PRPF6: variants seen among roughly 807,000 people sequenced by gnomAD.
The protein encoded by PRPF6 is pre-mRNA processing factor 6, also known as pre-mRNA-processing factor 6.
A neutral mutation model predicts 118.3 loss-of-function variants in PRPF6; 42 were observed. The observed-to-expected ratio is 0.35, with a 90% confidence interval of 0.28 to 0.46. PRPF6 has a LOEUF of 0.46. Among genes scored for constraint, PRPF6 ranks in the 20% least tolerant of loss-of-function variants. The pLI is 1.00. For missense variants in PRPF6, 662 were observed against 1,255.7 expected (o/e 0.53, Z 7.15); for synonymous variants, 481 against 485.1 (o/e 0.99, Z 0.11).
rs1328273812 is a variant in PRPF6, at chr20:64,029,737, G to A, written c.2546+246G>A. On this transcript the variant is annotated intron_variant, in intron 19 of 20. Coordinates refer to ENST00000266079, the MANE Select transcript of PRPF6 (RefSeq NM_012469.4). The surrounding 1 kb of genome is among the most constrained non-coding windows in gnomAD (Gnocchi z 4.8). ...GATTCACACTGGTGCGCTGGCCGCCGGGTCACAGACTCACTGGGGACGCGT... is the reference window on the plus strand; with the variant it reads ...GATTCACACTGGTGCGCTGGCCGCCAGGTCACAGACTCACTGGGGACGCGT... Among the ~76,000 whole-genome samples, 7 of 112,700 alleles carry A rather than the reference G, an allele frequency of 6.2e-5. 1 individual carries two copies. Among genetic ancestry groups the A allele is most frequent in the African/African-American group, 1.3e-4 (5 of 37,200 alleles). The allele number at this position is 112,700 out of a possible 152,430, so 73.9% of individuals were successfully genotyped here. A position where few individuals can be genotyped will look rare whatever the true frequency, so the allele number is the denominator to read the frequency against.
At position 64,028,667 on chromosome 20, in the gene PRPF6, C is replaced by G. The variant is rs1489829875; in HGVS notation, c.2431+98C>G. Reference sequence around the variant, plus strand: ...GGGTGCTTCCTGGCTTCCCAGACTCCGCAGGGCTGGCACTTCCTGAGGGAG... The same window carrying G: ...GGGTGCTTCCTGGCTTCCCAGACTCGGCAGGGCTGGCACTTCCTGAGGGAG... On this transcript the variant is annotated intron_variant, in intron 18 of 20. Transcript: ENST00000266079. The surrounding 1 kb of genome is among the most constrained non-coding windows in gnomAD (Gnocchi z 6.5). 2.2e-6 allele frequency: 3 copies of G among 1,355,694 alleles called. No homozygotes were observed. Among genetic ancestry groups the G allele is most frequent in the Non-Finnish European group, 3.1e-6 (3 of 974,086 alleles). The allele number at this position is 1,355,694 out of a possible 1,614,324, so 84.0% of individuals were successfully genotyped here.
At chr20:64,003,889 C>T (rs757469223) in intron 9 of PRPF6, among the ~76,000 whole-genome samples, 5 of 152,148 alleles carry the variant, frequency 3.3e-5, no homozygotes, top group Admixed American at 6.6e-5. Context: ...TGAGCCACCG[C>T]GCCCGGCCAG....
At position 63,993,391 on chromosome 20, in the gene PRPF6, A is replaced by C. The variant is rs780939401; in HGVS notation, c.360-16A>C. 2 of 1,597,582 alleles carry C rather than the reference A, an allele frequency of 1.3e-6. No homozygotes were observed. Among genetic ancestry groups the C allele is most frequent in the Admixed American group, 3.3e-5 (2 of 59,874 alleles). On this transcript the variant is annotated splice_polypyrimidine_tract_variant and intron_variant, in intron 3 of 20. Transcript: ENST00000266079. ...GACATGCAGTGTTTCTGATGTGTGC[A>C]TGTTTTATTTCCTAGGGAGCAAAGG...
chr20:63,982,259 G>GC lies in PRPF6; in HGVS notation c.72-782dup, dbSNP rs1437226516. On this transcript the variant is annotated intron_variant, in intron 1 of 20. Transcript: ENST00000266079. ...GCGATCTCAGCTCCCTGCAATCTCTGCCCCCCGGGTTCAAGCAGTTCTCTG... is the reference window on the plus strand; with the variant it reads ...GCGATCTCAGCTCCCTGCAATCTCTGCCCCCCCGGGTTCAAGCAGTTCTCTG... 4.1e-4 allele frequency among the ~76,000 whole-genome samples: 63 copies of GC among 152,100 alleles called. 1 individual carries two copies. Among genetic ancestry groups the GC allele is most frequent in the Non-Finnish European group, 5.9e-5 (4 of 68,032 alleles).
intron 3 of PRPF6, among the ~76,000 whole-genome samples, chr20:63,992,625 T>C (rs1309131311): frequency 6.6e-6 from 1 of 152,210 alleles, no homozygotes; most frequent in Non-Finnish European, 1.5e-5. Context: ...AATATACACA[T>C]GTCCAAATGG....
rs773768758 is a variant in PRPF6, at chr20:63,999,059, G to T, written c.786G>T (p.Val262=). The T allele has an allele frequency of 6.2e-7, 1 of 1,613,636 alleles. No individual in the cohort carries two copies. The highest frequency in any genetic ancestry group is 8.5e-7 in the Non-Finnish European group (1 of 1,179,798). Residue 262 remains valine, a synonymous_variant, in exon 7 of 21, where the codon GTG becomes GTT. Transcript: ENST00000266079. ...DMRLSQVSDS[V]SGQTVVDPKG... ...CTGTCTCACAGGTGTCTGACTCCGT[G>T]AGTGGACAGACCGTCGTTGACCCCA...
chr20:64,019,162 G>T (rs983850503), intron 12 of PRPF6, among the ~76,000 whole-genome samples: 1 of 145,358 alleles, frequency 6.9e-6, no homozygotes, highest in Non-Finnish European at 1.5e-5. Flanking sequence ...CCAGTGGCAC[G>T]ATCTTGGCTC....
rs770056662 is a variant in PRPF6 at position 64,001,249 on chromosome 20, C to G, written c.1186+10C>G. 6.2e-7 allele frequency: 1 copy of G among 1,614,200 alleles called. No homozygotes were observed. The highest frequency in any genetic ancestry group is 1.1e-5 in the South Asian group (1 of 91,078). ...CGGGTTCTTCGGAAAGGTGAGCCTC[C>G]CTCGGAGGTGCTGCTTTCTCCCTCC... On this transcript the variant is annotated intron_variant, in intron 9 of 20. Transcript: ENST00000266079.
intron 14 of PRPF6, among the ~76,000 whole-genome samples, 193 bp downstream of exon 14, chr20:64,024,886 G>C (rs1284738036): frequency 1.3e-5 from 2 of 152,156 alleles, no homozygotes; most frequent in African/African-American, 2.4e-5. Flanking sequence ...CCACCTGGCA[G>C]ATACTTACCT....
rs768398731 is a variant in PRPF6 at position 63,984,981 on chromosome 20, T to C, written c.315T>C (p.Tyr105=). The C allele has an allele frequency of 1.9e-6, 3 of 1,613,648 alleles. No individual in the cohort carries two copies. The highest frequency in any genetic ancestry group is 2.2e-5 in the East Asian group (1 of 44,892). Reference sequence around the variant, plus strand: ...ATGATGAGGAAGCAGATGCTATCTATGCAGCCCTGGATAAAAGGATGGATG... The same window carrying C: ...ATGATGAGGAAGCAGATGCTATCTACGCAGCCCTGGATAAAAGGATGGATG... The part of the protein sequence containing the change: ...EKDDEEADAI[Y]AALDKRMDER... The change falls in exon 3 of 21, where the codon TAT becomes TAC. Residue 105 remains tyrosine, a synonymous_variant. Coordinates refer to ENST00000266079, the MANE Select transcript of PRPF6 (RefSeq NM_012469.4).
At chr20:64,010,431 A>G (rs2059211509) in intron 10 of PRPF6, 113 bp downstream of exon 10, 18 of 925,692 alleles carry the variant, frequency 1.9e-5, no homozygotes, top group South Asian at 1.4e-4. Context: ...TCAGGCTGCA[A>G]TTTCTGGGAG....
chr20:64,030,250 G>A lies in PRPF6; in HGVS notation c.2546+759G>A, dbSNP rs114188644. On this transcript the variant is annotated intron_variant, in intron 19 of 20. Transcript: ENST00000266079. ...TGGGAAGTGACCATGTGGGGTGAAG[G>A]GAGTTCTTGGAAGAACCCTGGGTTC... 2.5e-3 allele frequency among the ~76,000 whole-genome samples: 384 copies of A among 152,306 alleles called. 2 individuals are homozygous for A. The highest frequency in any genetic ancestry group is 8.7e-3 in the African/African-American group (361 of 41,562).
At chr20:64,022,198 T>G (rs1353966249) in intron 12 of PRPF6, among the ~76,000 whole-genome samples, 1 of 152,264 alleles carries the variant, frequency 6.6e-6, no homozygotes, top group African/African-American at 2.4e-5. Context: ...CTCTTTCATG[T>G]ACACTGGAGT....
At chr20:64,022,334 G>A (rs2059270538) in intron 12 of PRPF6, among the ~76,000 whole-genome samples, 1 of 152,100 alleles carries the variant, frequency 6.6e-6, no homozygotes, top group Non-Finnish European at 1.5e-5. Context: ...GGAGGACAGA[G>A]TGTGACTCTG....
intron 12 of PRPF6, among the ~76,000 whole-genome samples, 175 bp downstream of exon 12, chr20:64,017,020 A>G (rs1008452082): frequency 1.3e-5 from 2 of 151,468 alleles, no homozygotes. Flanking sequence ...TCAGCTCACT[A>G]CAACCTCCAC....
intron 12 of PRPF6, among the ~76,000 whole-genome samples, chr20:64,017,960 T>C (rs2059246503): frequency 6.6e-6 from 1 of 152,222 alleles, no homozygotes; most frequent in Non-Finnish European, 1.5e-5. Context: ...TCCAGCACTT[T>C]GGGAGGCCGA....
intron 3 of PRPF6, among the ~76,000 whole-genome samples, chr20:63,987,612 G>A (rs1459452063): frequency 3.3e-5 from 5 of 152,220 alleles, no homozygotes; most frequent in African/African-American, 4.8e-5. Context: ...AGAGCAGTCG[G>A]ACCAGAGAAA....
chr20:64,004,729 ATG>A (rs1172263375), intron 9 of PRPF6, among the ~76,000 whole-genome samples: 1 of 152,160 alleles, frequency 6.6e-6, no homozygotes, highest in Non-Finnish European at 1.5e-5. Flanking sequence ...AGGGTGCAGC[ATG>A]TGAGCTTCCT....
chr20:64,032,403 G>A (rs1370830711), intron 20 of PRPF6, among the ~76,000 whole-genome samples: 3 of 152,214 alleles, frequency 2.0e-5, no homozygotes, highest in East Asian at 1.9e-4. Context: ...CCTGAGTGTG[G>A]CTTTCTAGGA....
Sources: gnomAD v4.1 joint callset for allele counts (sites outside exome capture counted in the v4.1 genomes callset) on GRCh38, gnomAD v4.1.1 for gene constraint, Gnocchi (gnomAD v3.1) non-coding constraint, MANE v1.5 for transcripts, NCBI Gene and HGNC (gene_info 2026-07-23, HGNC 2026-07-21) for gene names.